The following USF3 variants were observed in gnomAD, a reference collection of about 807,000 sequenced individuals.
USF3 encodes the protein basic helix-loop-helix domain-containing protein USF3.
USF3 carries 29 observed loss-of-function variants against 157.5 expected under a neutral mutation model. That is an observed-to-expected ratio of 0.18 (90% CI 0.14 to 0.25). The LOEUF (loss-of-function observed/expected upper bound fraction) is 0.25. Ranked by LOEUF, USF3 falls within the 10% of genes least tolerant of loss-of-function variation. The pLI is 1.00. For synonymous variants in USF3, 893 were observed against 941.4 expected, an observed-to-expected ratio of 0.95 and a Z score of 0.94; for missense variants, 2,381 against 2,667.6, an observed-to-expected ratio of 0.89 and a Z score of 2.37.
chr3:113,686,608 TGTG>T (rs1707552675), intron 1 of USF3, among the ~76,000 whole-genome samples: 1 of 152,322 alleles, frequency 6.6e-6, no homozygotes, highest in Admixed American at 6.5e-5. Flanking sequence ...TTGGTTCTTA[TGTG>T]GATAGTAGTT....
Position 113,659,869 on chromosome 3 carries a change from G to C in USF3, c.1813C>G (p.Pro605Ala). ...ATTACAGTATTGGCTCCATTGATGG[G>C]GAGTCGAACAGAACCAGGAGGTGGA... ...PAPPPGSVRLPINGANTVIGS... is the reference protein window; with the variant it reads ...PAPPPGSVRLAINGANTVIGS... Residue 605 changes from proline (P) to alanine (A), a missense_variant, in exon 7 of 7, where the codon CCC becomes GCC. Physicochemically the swap from Pro to Ala is conservative, Grantham distance 27. Transcript: ENST00000316407. The C allele has an allele frequency of 6.2e-7, 1 of 1,614,186 alleles. No homozygotes were observed. The highest frequency in any genetic ancestry group is 8.5e-7 in the Non-Finnish European group (1 of 1,180,044).
chr3:113,655,849 C>T lies in USF3; in HGVS notation c.5833G>A (p.Gly1945Arg). The change falls in exon 7 of 7, where the codon GGG (glycine) becomes AGG (arginine). Residue 1945 changes from glycine (G) to arginine (R), a missense_variant. Around this residue, in one of 6 missense-constraint regions of USF3, gnomAD observed 770 missense variants for 824.2 expected, o/e 0.93. Coordinates refer to ENST00000316407, the MANE Select transcript of USF3 (RefSeq NM_001009899.4). Reference sequence around the variant, plus strand: ...TGTGGCAACGCTGGCCTTGCAACCCCATGCATGTTGGTTGTGACTGGAGGG... The same window carrying T: ...TGTGGCAACGCTGGCCTTGCAACCCTATGCATGTTGGTTGTGACTGGAGGG... ...MNPPVTTNMH[G>R]VARPALPHPS... The T allele has an allele frequency of 6.2e-7, 1 of 1,614,132 alleles. No individual in the cohort carries two copies.
intron 5 of USF3, among the ~76,000 whole-genome samples, chr3:113,665,477 G>A (rs988366396): frequency 6.6e-6 from 1 of 152,206 alleles, no homozygotes; most frequent in Non-Finnish European, 1.5e-5. Flanking sequence ...TGTACGTTAT[G>A]TTAAAGTATT....
chr3:113,680,352 T>C (rs528755402), intron 1 of USF3, among the ~76,000 whole-genome samples: 39 of 152,288 alleles, frequency 2.6e-4, no homozygotes, highest in African/African-American at 8.9e-4. Context: ...TAGGAATTTA[T>C]TTCTTCTAGG....
In USF3 at chr3:113,659,842, C is replaced by T; in HGVS notation, c.1840G>A (p.Gly614Arg). 1 of 1,614,196 alleles carries T rather than the reference C, an allele frequency of 6.2e-7. No individual in the cohort carries two copies. The highest frequency in any genetic ancestry group is 8.5e-7 in the Non-Finnish European group (1 of 1,180,044). ...LPINGANTVI[G>R]SNNSVQNVPT... Reference sequence around the variant, plus strand: ...ACATTTTGCACTGAATTATTAGACCCTATTACAGTATTGGCTCCATTGATG... The same window carrying T: ...ACATTTTGCACTGAATTATTAGACCTTATTACAGTATTGGCTCCATTGATG... Residue 614 changes from glycine to arginine, a missense_variant, in exon 7 of 7, where the codon GGG (glycine) becomes AGG (arginine). Physicochemically the swap from Gly to Arg is moderately radical, Grantham distance 125 (BLOSUM62 -2). Transcript: ENST00000316407.
At chr3:113,688,481 G>A (rs756841390) in intron 1 of USF3, among the ~76,000 whole-genome samples, 3 of 152,144 alleles carry the variant, frequency 2.0e-5, no homozygotes, top group African/African-American at 4.8e-5. Context: ...TACTCCTAGA[G>A]CAGTGGTTCT....
At position 113,655,236 on chromosome 3, in the gene USF3, T is replaced by C. The variant is rs1947333060; in HGVS notation, c.6446A>G (p.Asn2149Ser). The C allele has an allele frequency of 6.2e-7, 1 of 1,614,194 alleles. No individual in the cohort carries two copies. The highest frequency in any genetic ancestry group is 8.5e-7 in the Non-Finnish European group (1 of 1,180,030). The change falls in exon 7 of 7, where the codon AAT becomes AGT. Residue 2149 changes from asparagine (N) to serine (S), a missense_variant. Physicochemically the swap from Asn to Ser is conservative, Grantham distance 46 (BLOSUM62 1). Coordinates refer to ENST00000316407, the MANE Select transcript of USF3 (RefSeq NM_001009899.4). ...AGATAAAATTGATCCAAATCGGTTA[T>C]TTAAACTTCCACTGTTTACCTTCTC... ...STEKVNSGSL[N>S]NRFGSILSPP...
At chr3:113,674,963 T>A (rs563666441) in intron 2 of USF3, 67 bp from the exon 3 acceptor site, 6 of 948,208 alleles carry the variant, frequency 6.3e-6, no homozygotes, top group Non-Finnish European at 1.0e-5. Context: ...AATTGGTCAA[T>A]AGCAATTTGA....
In USF3 at chr3:113,673,365, C is replaced by T. The variant is rs551361456; in HGVS notation, c.59G>A (p.Arg20Gln). 1.7e-5 allele frequency: 28 copies of T among 1,601,078 alleles called. No homozygotes were observed. Among genetic ancestry groups the T allele is most frequent in the African/African-American group, 4.0e-5 (3 of 74,672 alleles). The change falls in exon 4 of 7, where the codon CGG becomes CAG. Residue 20 changes from arginine to glutamine, a missense_variant. Coordinates refer to ENST00000316407, the MANE Select transcript of USF3 (RefSeq NM_001009899.4). The part of the protein sequence containing the change: ...PTKKQHRKKN[R>Q]ETHNAVERHR... ...GTTTCTACCTGCATTGTGTGTCTCCCGGTTTTTCTTTCTGAAACAAAAAGT... is the reference window on the plus strand; with the variant it reads ...GTTTCTACCTGCATTGTGTGTCTCCTGGTTTTTCTTTCTGAAACAAAAAGT...
chr3:113,668,323 C>A (rs1251100086), intron 5 of USF3, among the ~76,000 whole-genome samples: 2 of 152,128 alleles, frequency 1.3e-5, no homozygotes, highest in East Asian at 3.9e-4. Flanking sequence ...CCTACTACAG[C>A]ACAAGACTCT....
chr3:113,661,118 C>T lies in USF3; in HGVS notation c.564G>A (p.Arg188=), dbSNP rs768567880. 1 of 1,613,818 alleles carries T rather than the reference C, an allele frequency of 6.2e-7. No individual in the cohort carries two copies. The highest frequency in any genetic ancestry group is 8.5e-7 in the Non-Finnish European group (1 of 1,179,698). Reference sequence around the variant, plus strand: ...ATACAGGAGTCACAAGATTGCAAGTCCTCTGTACTGGCACCACATTGGCGG... The same window carrying T: ...ATACAGGAGTCACAAGATTGCAAGTTCTCTGTACTGGCACCACATTGGCGG... The part of the protein sequence containing the change: ...KQTANVVPVQ[R]TCNLVTPVSI... The change falls in exon 7 of 7, where the codon AGG becomes AGA. Residue 188 remains arginine, a synonymous_variant. Transcript: ENST00000316407.
Position 113,659,445 on chromosome 3 carries a change from G to C in USF3, c.2237C>G (p.Thr746Ser), listed in dbSNP as rs1213552802. ...TGTTAATGAAACACAGTTAGCTGTA[G>C]TGGTTTGACTATTTGCAGCAGTTTG... Reference protein sequence around the residue: ...NSQTAANSQTTTANCVSLTTT... With the variant: ...NSQTAANSQTSTANCVSLTTT... Residue 746 changes from threonine (T) to serine (S), a missense_variant, in exon 7 of 7, where the codon ACT becomes AGT. Physicochemically the swap from Thr to Ser is moderately conservative, Grantham distance 58. This residue lies in a region of USF3 where 1,435 missense variants were observed against 1,550.9 expected (regional missense o/e 0.93). Transcript: ENST00000316407. The C allele has an allele frequency of 1.2e-6, 2 of 1,614,232 alleles. No homozygotes were observed. Among genetic ancestry groups the C allele is most frequent in the Non-Finnish European group, 1.7e-6 (2 of 1,180,030 alleles).
At position 113,661,086 on chromosome 3, in the gene USF3, G is replaced by T; in HGVS notation, c.596C>A (p.Ser199Tyr). ...TCNLVTPVSI[S>Y]GVYPSENKPW... ...CTTGTTTTCAGAAGGGTAAACTCCA[G>T]AAATAGATACAGGAGTCACAAGATT... The change falls in exon 7 of 7, where the codon TCT (serine) becomes TAT (tyrosine). Residue 199 changes from serine (S) to tyrosine (Y), a missense_variant. Coordinates refer to ENST00000316407, the MANE Select transcript of USF3 (RefSeq NM_001009899.4). 1 of 1,614,198 alleles carries T rather than the reference G, an allele frequency of 6.2e-7. No individual in the cohort carries two copies. The highest frequency in any genetic ancestry group is 1.3e-5 in the African/African-American group (1 of 75,046).
At position 113,668,410 on chromosome 3, in the gene USF3, G is replaced by A. The variant is rs146776816; in HGVS notation, c.159+1711C>T. Among the ~76,000 whole-genome samples the A allele has an allele frequency of 2.9e-3, 435 of 151,738 alleles. 1 individual carries two copies. The highest frequency in any genetic ancestry group is 1.0e-2 in the African/African-American group (411 of 41,292). ...TTCCTACCAGTCCCACTCCCAGGCAGGAGACTGATGGGTTCTTCTCCAAGA... is the reference window on the plus strand; with the variant it reads ...TTCCTACCAGTCCCACTCCCAGGCAAGAGACTGATGGGTTCTTCTCCAAGA... On this transcript the variant is annotated intron_variant, in intron 5 of 6. Transcript: ENST00000316407.
chr3:113,680,705 G>GCC (rs1707397765), intron 1 of USF3, among the ~76,000 whole-genome samples: 1 of 151,446 alleles, frequency 6.6e-6, no homozygotes, highest in Non-Finnish European at 1.5e-5. Flanking sequence ...TAAGGCTGAG[G>GCC]CAGGAGAATC....
intron 1 of USF3, among the ~76,000 whole-genome samples, chr3:113,691,982 T>C (rs929681398): frequency 3.3e-5 from 5 of 152,200 alleles, no homozygotes; most frequent in Admixed American, 6.5e-5. Flanking sequence ...AATTTTTCCA[T>C]GGACAGGGAG....
At chr3:113,671,562 G>A (rs2107939450) in intron 4 of USF3, among the ~76,000 whole-genome samples, 1 of 152,206 alleles carries the variant, frequency 6.6e-6, no homozygotes, top group East Asian at 1.9e-4. Context: ...CTCTGTAAGT[G>A]GAAACATTAG....
At position 113,656,786 on chromosome 3, in the gene USF3, T is replaced by C; in HGVS notation, c.4896A>G (p.Thr1632=). The change falls in exon 7 of 7, where the codon ACA becomes ACG. Residue 1632 remains threonine, a synonymous_variant. Coordinates refer to ENST00000316407, the MANE Select transcript of USF3 (RefSeq NM_001009899.4). ...CCATTTGCTGCTCTAAGCCTCTTGA[T>C]GTCAAAAGCCTCTGCATTGGATTAT... ...SGHNPMQRLL[T]SRGLEQQMVS... 1 of 1,614,228 alleles carries C rather than the reference T, an allele frequency of 6.2e-7. No individual in the cohort carries two copies.
rs781740451 is a variant in USF3 at position 113,656,554 on chromosome 3, T to C, written c.5128A>G (p.Lys1710Glu). The part of the protein sequence containing the change: ...MRSYLDVPRN[K>E]SLAIHNMQGR... ...TGCATATTATGAATAGCCAAACTCT[T>C]ATTTCTGGGAACATCAAGATAGCTT... Residue 1710 changes from lysine (K) to glutamate (E), a missense_variant, in exon 7 of 7, where the codon AAG becomes GAG. This residue lies in a region of USF3 where 770 missense variants were observed against 824.2 expected (regional missense o/e 0.93). Coordinates refer to ENST00000316407, the MANE Select transcript of USF3 (RefSeq NM_001009899.4). 9 of 1,614,110 alleles carry C rather than the reference T, an allele frequency of 5.6e-6. No individual in the cohort carries two copies. The East Asian group carries it at 2.0e-4, about 36-fold the overall frequency.
Sources: gnomAD v4.1 joint callset for allele counts (sites outside exome capture counted in the v4.1 genomes callset) on GRCh38, gnomAD v4.1.1 for gene constraint, gnomAD v4.1.1 regional missense constraint, MANE v1.5 for transcripts, NCBI Gene and HGNC (gene_info 2026-07-23, HGNC 2026-07-21) for gene names.